LRRC4C: variants seen among roughly 807,000 people sequenced by gnomAD.
LRRC4C encodes the protein leucine-rich repeat-containing protein 4C.
A neutral mutation model predicts 33.6 loss-of-function variants in LRRC4C; 5 were observed. The ratio of observed to expected loss-of-function variants is 0.15; its 90% CI spans 0.08 to 0.31. The LOEUF is 0.31. Ranked by LOEUF, LRRC4C falls within the 10% of genes least tolerant of loss-of-function variation. The pLI is 1.00. For missense variants in LRRC4C, 560 were observed against 796.7 expected (o/e 0.70, Z 3.58); for synonymous variants, 329 against 302.0 (o/e 1.09, Z -0.93).
chr11:40,342,079 C>T lies in LRRC4C; in HGVS notation c.-269-22358G>A, dbSNP rs555260899. 2.0e-5 allele frequency among the ~76,000 whole-genome samples: 3 copies of T among 151,906 alleles called. No individual in the cohort carries two copies. The South Asian group carries it at 6.2e-4, about 32-fold the overall frequency. On this transcript the variant is annotated intron_variant, in intron 3 of 6. Transcript: ENST00000528697. ...AGCCAAGTCATATGGTTGTCAAATT[C>T]AAGAGTATTATTATGAAAAATTAAA...
chr11:41,299,529 G>T (rs528868274), intron 1 of LRRC4C, among the ~76,000 whole-genome samples: 1 of 152,128 alleles, frequency 6.6e-6, no homozygotes, highest in Admixed American at 6.5e-5. Context: ...TAGTCAAAAA[G>T]TCACCAGTTT....
At chr11:40,181,062 G>C (rs1860954988) in intron 5 of LRRC4C, among the ~76,000 whole-genome samples, 1 of 152,154 alleles carries the variant, frequency 6.6e-6, no homozygotes, top group African/African-American at 2.4e-5. Flanking sequence ...AATAGTTTAA[G>C]ATGTTTTGTC....
intron 1 of LRRC4C, among the ~76,000 whole-genome samples, chr11:41,194,718 C>A (rs549801099): frequency 1.3e-5 from 2 of 152,224 alleles, no homozygotes; most frequent in African/African-American, 4.8e-5. Context: ...CCAGCCAAGA[C>A]TTTGATTGCA....
intron 2 of LRRC4C, among the ~76,000 whole-genome samples, chr11:40,703,762 CTAAAT>C (rs1157483159): frequency 6.6e-6 from 1 of 152,152 alleles, no homozygotes; most frequent in African/African-American, 2.4e-5. Flanking sequence ...TGAGCTGAGA[CTAAAT>C]TACGCAGTAG....
At chr11:40,519,778 G>A (rs909840463) in intron 3 of LRRC4C, among the ~76,000 whole-genome samples, 1 of 152,200 alleles carries the variant, frequency 6.6e-6, no homozygotes, top group Non-Finnish European at 1.5e-5. Context: ...GAGTTTGGAA[G>A]ATGTTGATTC....
chr11:41,429,232 A>C (rs1031859685), intron 1 of LRRC4C, among the ~76,000 whole-genome samples: 9 of 151,998 alleles, frequency 5.9e-5, no homozygotes, highest in Non-Finnish European at 1.0e-4. Context: ...TTCCCCTTCC[A>C]CCATGATTGT....
At chr11:41,253,841 G>T (rs879459499) in intron 1 of LRRC4C, among the ~76,000 whole-genome samples, 1 of 152,016 alleles carries the variant, frequency 6.6e-6, no homozygotes, top group African/African-American at 2.4e-5. Flanking sequence ...TAATGACGGC[G>T]GCAGTTTTAG....
chr11:40,132,473 A>G (rs1387542965), intron 6 of LRRC4C, among the ~76,000 whole-genome samples: 1 of 152,208 alleles, frequency 6.6e-6, no homozygotes, highest in Non-Finnish European at 1.5e-5. Context: ...TGATAAAATA[A>G]GGTCCTGTGC....
chr11:41,306,149 G>C (rs1950499675), intron 1 of LRRC4C, among the ~76,000 whole-genome samples: 1 of 151,804 alleles, frequency 6.6e-6, no homozygotes, highest in Non-Finnish European at 1.5e-5. Context: ...CACCCTCAAA[G>C]CTCTTTCATG....
chr11:41,222,090 A>G (rs895951426), intron 1 of LRRC4C, among the ~76,000 whole-genome samples: 5 of 152,338 alleles, frequency 3.3e-5, no homozygotes, highest in African/African-American at 1.2e-4. Context: ...GGAGCTTGAT[A>G]TATAAGTATT....
intron 2 of LRRC4C, among the ~76,000 whole-genome samples, chr11:40,713,911 G>A (rs1258916020): frequency 6.6e-6 from 1 of 152,110 alleles, no homozygotes; most frequent in Non-Finnish European, 1.5e-5. Flanking sequence ...ATAGAAGAGG[G>A]ATCATCTGTG....
chr11:41,219,906 A>G (rs1306742281), intron 1 of LRRC4C, among the ~76,000 whole-genome samples: 1 of 152,234 alleles, frequency 6.6e-6, no homozygotes, highest in Non-Finnish European at 1.5e-5. Flanking sequence ...CTGAAGACAC[A>G]TGAAGGATAA....
At chr11:41,006,921 G>T (rs1854795855) in intron 1 of LRRC4C, among the ~76,000 whole-genome samples, 1 of 152,030 alleles carries the variant, frequency 6.6e-6, no homozygotes, top group Non-Finnish European at 1.5e-5. Context: ...GTAAGAAAAA[G>T]ATTGTGATTT....
chr11:40,197,913 T>C (rs1186750887), intron 5 of LRRC4C, among the ~76,000 whole-genome samples: 1 of 152,210 alleles, frequency 6.6e-6, no homozygotes, highest in African/African-American at 2.4e-5. Context: ...ATGTGCCAAA[T>C]ACTATATTAT....
intron 3 of LRRC4C, among the ~76,000 whole-genome samples, chr11:40,437,331 C>T (rs1314084231): frequency 6.6e-6 from 1 of 152,088 alleles, no homozygotes; most frequent in African/African-American, 2.4e-5. Context: ...CATGGTTATC[C>T]TTGTAATATG....
intron 1 of LRRC4C, among the ~76,000 whole-genome samples, chr11:41,164,365 T>C (rs1944624891): frequency 6.6e-6 from 1 of 152,134 alleles, no homozygotes; most frequent in Non-Finnish European, 1.5e-5. Flanking sequence ...GTCTCTATGA[T>C]AACAATGTCT....
chr11:41,180,173 T>G (rs753202047), intron 1 of LRRC4C, among the ~76,000 whole-genome samples: 2 of 151,994 alleles, frequency 1.3e-5, no homozygotes, highest in African/African-American at 2.4e-5. Context: ...GAAAAGAAGC[T>G]AAAAGGTCAA....
chr11:40,488,647 G>C (rs756709458), intron 3 of LRRC4C, among the ~76,000 whole-genome samples: 23 of 152,034 alleles, frequency 1.5e-4, no homozygotes, highest in Non-Finnish European at 2.8e-4. Context: ...GATCCTCCGT[G>C]TGTTGCCTCC....
At chr11:40,220,997 T>C (rs1165553438) in intron 5 of LRRC4C, among the ~76,000 whole-genome samples, 1 of 151,808 alleles carries the variant, frequency 6.6e-6, no homozygotes, top group African/African-American at 2.4e-5. Context: ...TGCCTCAGCC[T>C]CCCAAATAGC....
Sources: gnomAD v4.1 joint callset for allele counts (sites outside exome capture counted in the v4.1 genomes callset) on GRCh38, gnomAD v4.1.1 for gene constraint, MANE v1.5 for transcripts, NCBI Gene and HGNC (gene_info 2026-07-23, HGNC 2026-07-21) for gene names.